Variants in CEP89 observed in about 807,000 individuals in gnomAD.
CEP89 encodes centrosomal protein of 89 kDa.
In CEP89, 95 loss-of-function variants were observed where a neutral mutation model predicts 97.6. That is an observed-to-expected ratio of 0.97 (90% CI 0.82 to 1.15). CEP89 has a LOEUF of 1.15. Ranked by LOEUF, CEP89 falls within the 50% of genes most tolerant of loss-of-function variation. The pLI, the probability that CEP89 is intolerant of heterozygous loss-of-function variation, is 0.00. For missense variants in CEP89, 869 were observed against 947.7 expected (o/e 0.92, Z 1.09); for synonymous variants, 354 against 349.1 (o/e 1.01, Z -0.16).
chr19:32,963,316 A>T (rs1034147529), intron 2 of CEP89, among the ~76,000 whole-genome samples: 1 of 152,194 alleles, frequency 6.6e-6, no homozygotes, highest in African/African-American at 2.4e-5. Flanking sequence ...AAATCGTTCC[A>T]CTGCACTCCA....
intron 16 of CEP89, among the ~76,000 whole-genome samples, chr19:32,889,882 C>T (rs963222409): frequency 6.6e-6 from 1 of 152,176 alleles, no homozygotes; most frequent in Non-Finnish European, 1.5e-5. Context: ...AAGGCCAGCA[C>T]ACACAGCAGC....
At chr19:32,880,305 C>G (rs561829437) in intron 18 of CEP89, among the ~76,000 whole-genome samples, 3 of 152,348 alleles carry the variant, frequency 2.0e-5, no homozygotes, top group African/African-American at 7.2e-5. Flanking sequence ...GAGCAGGACA[C>G]TGAAGTTCAG....
intron 1 of CEP89, chr19:32,969,127 C>G (rs1282440674): frequency 6.6e-6 from 1 of 152,142 alleles, no homozygotes; most frequent in African/African-American, 2.4e-5. Context: ...GGCAGGTGGT[C>G]TCTGTAGCTT....
chr19:32,886,164 T>C (rs1252433535), intron 17 of CEP89, among the ~76,000 whole-genome samples: 2 of 152,222 alleles, frequency 1.3e-5, no homozygotes, highest in African/African-American at 2.4e-5. Flanking sequence ...CTTTGGAGTA[T>C]AGTTTTGATC....
intron 17 of CEP89, among the ~76,000 whole-genome samples, chr19:32,885,729 C>A (rs539047000): frequency 6.6e-6 from 1 of 152,312 alleles, no homozygotes; most frequent in African/African-American, 2.4e-5. Flanking sequence ...AGATTCAAGT[C>A]TTCTTTTATT....
chr19:32,896,081 A>G (rs1304023398), intron 16 of CEP89, among the ~76,000 whole-genome samples: 1 of 152,228 alleles, frequency 6.6e-6, no homozygotes, highest in Non-Finnish European at 1.5e-5. Context: ...CTATCAGAAC[A>G]TCAATGACGT....
chr19:32,947,297 C>G (rs991359535), intron 5 of CEP89, among the ~76,000 whole-genome samples: 3 of 152,102 alleles, frequency 2.0e-5, no homozygotes, highest in African/African-American at 7.2e-5. Context: ...CTCATTCACC[C>G]AACAGATCTT....
intron 7 of CEP89, 59 bp downstream of exon 7, chr19:32,937,572 A>C (rs750360260): frequency 2.5e-6 from 3 of 1,223,706 alleles, no homozygotes; most frequent in East Asian, 4.6e-5. Context: ...AGATAAAATT[A>C]ATCTGGATAT....
At chr19:32,970,991 A>G (rs1262444601) in intron 1 of CEP89, 1 of 152,308 alleles carries the variant, frequency 6.6e-6, no homozygotes, top group Non-Finnish European at 1.5e-5. Flanking sequence ...ACTGTACTCC[A>G]GCCTGGGCAT....
At chr19:32,903,010 G>T (rs1969814119) in intron 14 of CEP89, among the ~76,000 whole-genome samples, 1 of 152,050 alleles carries the variant, frequency 6.6e-6, no homozygotes, top group Non-Finnish European at 1.5e-5. Flanking sequence ...AAGACTAGAG[G>T]TTGCTTTGGG....
At chr19:32,928,151 A>G (rs996374484) in intron 9 of CEP89, among the ~76,000 whole-genome samples, 2 of 151,892 alleles carry the variant, frequency 1.3e-5, no homozygotes, top group African/African-American at 4.8e-5. Flanking sequence ...CCTGACCTCA[A>G]GTGATCTGCC....
chr19:32,930,532 G>A (rs1368803923), intron 9 of CEP89, among the ~76,000 whole-genome samples: 1 of 151,900 alleles, frequency 6.6e-6, no homozygotes. Flanking sequence ...AAGCCCATGA[G>A]GCCTGAACTC....
At chr19:32,908,359 T>C (rs879271439) in intron 14 of CEP89, among the ~76,000 whole-genome samples, 2 of 152,166 alleles carry the variant, frequency 1.3e-5, no homozygotes, top group Non-Finnish European at 2.9e-5. Flanking sequence ...GGAAAGCCTT[T>C]ATGGCAGCTT....
chr19:32,879,840 C>G (rs572241967), intron 18 of CEP89, among the ~76,000 whole-genome samples: 1 of 152,374 alleles, frequency 6.6e-6, no homozygotes, highest in Admixed American at 6.5e-5. Context: ...TGCTTGTCCA[C>G]TGTGACCTGG....
At chr19:32,962,691 G>T (rs1480334647) in intron 2 of CEP89, among the ~76,000 whole-genome samples, 1 of 152,184 alleles carries the variant, frequency 6.6e-6, no homozygotes, top group East Asian at 1.9e-4. Flanking sequence ...ACAAGCCATA[G>T]ATAGAGAGAA....
chr19:32,958,594 G>A (rs559986932), intron 3 of CEP89, among the ~76,000 whole-genome samples: 1 of 152,068 alleles, frequency 6.6e-6, no homozygotes, highest in Non-Finnish European at 1.5e-5. Flanking sequence ...CAGGAGAATC[G>A]CTTGAATCCA....
intron 14 of CEP89, among the ~76,000 whole-genome samples, chr19:32,901,823 C>T (rs371763526): frequency 7.9e-5 from 12 of 152,262 alleles, no homozygotes; most frequent in East Asian, 7.7e-4. Flanking sequence ...TGAAGTCTCA[C>T]TATGTTGCCC....
At chr19:32,902,778 T>C (rs1001841090) in intron 14 of CEP89, among the ~76,000 whole-genome samples, 6 of 151,970 alleles carry the variant, frequency 3.9e-5, no homozygotes, top group Admixed American at 3.3e-4. Context: ...CCTTGAAGGG[T>C]CTTTGGCTGG....
At chr19:32,885,577 C>T (rs1329946625) in intron 17 of CEP89, among the ~76,000 whole-genome samples, 1 of 152,178 alleles carries the variant, frequency 6.6e-6, no homozygotes, top group Non-Finnish European at 1.5e-5. Context: ...CTGCCTTGGC[C>T]TCCCAAAGTG....
Sources: allele counts gnomAD v4.1 joint callset (sites outside exome capture counted in the v4.1 genomes callset), GRCh38; gene constraint gnomAD v4.1.1; transcripts MANE v1.5; gene names NCBI Gene and HGNC (gene_info 2026-07-23, HGNC 2026-07-21).